Variants in CTNNA2 observed in about 807,000 individuals in gnomAD.
CTNNA2 encodes catenin alpha-2.
CTNNA2 carries 42 observed loss-of-function variants against 101.0 expected under a neutral mutation model. That is an observed-to-expected ratio of 0.42 (90% CI 0.32 to 0.54). CTNNA2 has a LOEUF of 0.54. CTNNA2 is among the 20% of genes least tolerant of loss of function. The probability of loss-of-function intolerance (pLI) is 0.14; values close to 1 mark genes in which losing one functional copy is unlikely to be tolerated. For synonymous variants in CTNNA2, 450 were observed against 456.4 expected (o/e 0.99, Z 0.18); for missense variants, 871 against 1,223.1 (o/e 0.71, Z 4.29).
chr2:79,319,127 C>T (rs1006780264), intron 3 of CTNNA2, among the ~76,000 whole-genome samples: 88 of 152,270 alleles, frequency 5.8e-4, no homozygotes, highest in African/African-American at 2.0e-3. Flanking sequence ...ACATACTACT[C>T]ACCTCTCTGG....
At chr2:79,903,855 T>C (rs1685234322) in intron 6 of CTNNA2, among the ~76,000 whole-genome samples, 1 of 152,102 alleles carries the variant, frequency 6.6e-6, no homozygotes, top group African/African-American at 2.4e-5. Flanking sequence ...TGACTGGCGC[T>C]GCCTGGGGTC....
intron 1 of CTNNA2, among the ~76,000 whole-genome samples, chr2:79,549,544 A>G (rs1439971253): frequency 6.6e-6 from 1 of 152,216 alleles, no homozygotes; most frequent in African/African-American, 2.4e-5. Flanking sequence ...TTGTCATGTA[A>G]CTATGAACTG....
At chr2:79,529,250 G>A (rs572526854) in intron 1 of CTNNA2, among the ~76,000 whole-genome samples, 4 of 152,266 alleles carry the variant, frequency 2.6e-5, no homozygotes, top group Admixed American at 2.6e-4. Context: ...TTATACAGAA[G>A]CAAGAAGACT....
chr2:79,401,608 A>G (rs1678291085), intron 4 of CTNNA2, among the ~76,000 whole-genome samples: 1 of 151,544 alleles, frequency 6.6e-6, no homozygotes, highest in South Asian at 2.1e-4. Context: ...TTCAAGAACA[A>G]ATGTTAAAGT....
At chr2:80,049,849 A>G (rs1696756926) in intron 7 of CTNNA2, among the ~76,000 whole-genome samples, 1 of 152,062 alleles carries the variant, frequency 6.6e-6, no homozygotes, top group African/African-American at 2.4e-5. Flanking sequence ...TCTGCTCTTT[A>G]TATAACCCAG....
chr2:80,000,612 C>T (rs1425485493), intron 7 of CTNNA2, among the ~76,000 whole-genome samples: 1 of 152,192 alleles, frequency 6.6e-6, no homozygotes, highest in African/African-American at 2.4e-5. Flanking sequence ...TGATATTATA[C>T]TTCCTGCAAG....
intron 9 of CTNNA2, among the ~76,000 whole-genome samples, chr2:80,520,953 A>G (rs964715047): frequency 1.3e-5 from 2 of 152,164 alleles, no homozygotes; most frequent in African/African-American, 4.8e-5. Context: ...TGGAGAGTGG[A>G]TAAACCTCAG....
At chr2:80,582,589 G>A (rs530500245) in intron 14 of CTNNA2, among the ~76,000 whole-genome samples, 16 of 152,242 alleles carry the variant, frequency 1.1e-4, no homozygotes, top group African/African-American at 2.6e-4. Flanking sequence ...GTAGGTGTAC[G>A]TAATCAAGGC....
intron 3 of CTNNA2, among the ~76,000 whole-genome samples, chr2:79,749,850 C>T (rs1465461885): frequency 6.6e-6 from 1 of 152,150 alleles, no homozygotes; most frequent in Non-Finnish European, 1.5e-5. Flanking sequence ...CTATAGATGT[C>T]AGAGTAGATT....
chr2:79,237,010 A>G (rs1279251673), intron 2 of CTNNA2, among the ~76,000 whole-genome samples: 3 of 152,204 alleles, frequency 2.0e-5, no homozygotes, highest in African/African-American at 7.2e-5. Context: ...AATTGTCTTA[A>G]TGGCATCTAA....
intron 9 of CTNNA2, among the ~76,000 whole-genome samples, chr2:80,457,477 A>T (rs1225044332): frequency 6.6e-6 from 1 of 152,164 alleles, no homozygotes; most frequent in Non-Finnish European, 1.5e-5. Context: ...ATGTTCATGG[A>T]AAGTTTTTTT....
chr2:80,418,363 T>C (rs1444539), intron 8 of CTNNA2, among the ~76,000 whole-genome samples: 42,303 of 152,110 alleles, frequency 0.28, 9,711 homozygotes, highest in African/African-American at 0.64. Context: ...ATGAGCTCAC[T>C]AATAACCAAC....
intron 1 of CTNNA2, among the ~76,000 whole-genome samples, chr2:79,527,769 G>C (rs1232779292): frequency 6.6e-6 from 1 of 152,128 alleles, no homozygotes; most frequent in Non-Finnish European, 1.5e-5. Flanking sequence ...TTCTCAAAAA[G>C]TTAAATATAA....
rs983548977 is a variant in CTNNA2, at chr2:80,112,409, A to G, written c.1056+202612A>G. Among the ~76,000 whole-genome samples the G allele has an allele frequency of 3.3e-5, 5 of 152,350 alleles. No individual in the cohort carries two copies. In the East Asian group the frequency reaches 5.8e-4, roughly 18 times the overall value. On this transcript the variant is annotated intron_variant, in intron 7 of 18. Transcript: ENST00000402739. The stretch of plus-strand genomic sequence containing the variant: ...TATTACTATTTGACCTTTCATAGAA[A>G]AAGATTTACTGATTGCTGTGATGGA...
chr2:80,158,940 A>G (rs1244098155), intron 7 of CTNNA2, among the ~76,000 whole-genome samples: 2 of 152,062 alleles, frequency 1.3e-5, no homozygotes. Flanking sequence ...TGTCATACAA[A>G]TGGAACCATA....
intron 9 of CTNNA2, among the ~76,000 whole-genome samples, chr2:80,465,315 C>A (rs1354163031): frequency 6.6e-6 from 1 of 152,132 alleles, no homozygotes; most frequent in African/African-American, 2.4e-5. Flanking sequence ...GAATAATTCC[C>A]CAAATTATGA....
intron 2 of CTNNA2, among the ~76,000 whole-genome samples, chr2:79,672,075 T>A (rs1352818768): frequency 6.6e-6 from 1 of 152,194 alleles, no homozygotes; most frequent in East Asian, 1.9e-4. Context: ...TGCTTCATCT[T>A]GGTCAAAAAT....
chr2:80,471,212 G>A (rs1685278058), intron 9 of CTNNA2, among the ~76,000 whole-genome samples: 1 of 152,208 alleles, frequency 6.6e-6, no homozygotes, highest in Non-Finnish European at 1.5e-5. Context: ...GGAAGACTGA[G>A]TAGGGGGCCC....
chr2:79,840,784 A>T (rs1197343315), intron 3 of CTNNA2, among the ~76,000 whole-genome samples: 3 of 117,472 alleles, frequency 2.6e-5, no homozygotes, highest in African/African-American at 9.8e-5. Context: ...TTTTTTTTTG[A>T]GACAGAGTCT....
Sources: gnomAD v4.1 joint callset for allele counts (sites outside exome capture counted in the v4.1 genomes callset) on GRCh38, gnomAD v4.1.1 for gene constraint, MANE v1.5 for transcripts, NCBI Gene and HGNC (gene_info 2026-07-23, HGNC 2026-07-21) for gene names.